NAALADL2: variants seen among roughly 807,000 people sequenced by gnomAD.
The protein encoded by NAALADL2 is inactive N-acetylated-alpha-linked acidic dipeptidase-like protein 2.
Under a neutral mutation model 87.2 loss-of-function variants are expected in NAALADL2, and 76 were observed. That is an observed-to-expected ratio of 0.87 (90% CI 0.72 to 1.05). NAALADL2 has a LOEUF of 1.05. Among genes scored for constraint, NAALADL2 ranks in the 50% least tolerant of loss-of-function variants. The pLI is 0.00. For synonymous variants in NAALADL2, 354 were observed against 331.0 expected, an observed-to-expected ratio of 1.07 and a Z score of -0.75; for missense variants, 1,089 against 945.8, an observed-to-expected ratio of 1.15 and a Z score of -1.99.
At chr3:175,307,677 T>C (rs999413805) in intron 4 of NAALADL2, among the ~76,000 whole-genome samples, 1 of 152,170 alleles carries the variant, frequency 6.6e-6, no homozygotes, top group African/African-American at 2.4e-5. Flanking sequence ...TTCCAGGGAA[T>C]TGCAGTTCAA....
chr3:175,329,729 A>G (rs971349082), intron 5 of NAALADL2, among the ~76,000 whole-genome samples: 1 of 152,160 alleles, frequency 6.6e-6, no homozygotes, highest in Admixed American at 6.5e-5. Flanking sequence ...ATATTATTCA[A>G]CTTGATTCTT....
chr3:175,028,319 T>C (rs1376424041), intron 1 of NAALADL2, among the ~76,000 whole-genome samples: 1 of 152,106 alleles, frequency 6.6e-6, no homozygotes, highest in East Asian at 1.9e-4. Flanking sequence ...CAATTTCTCA[T>C]TTTGTTATAT....
intron 1 of NAALADL2, among the ~76,000 whole-genome samples, chr3:175,006,844 C>A (rs773485591): frequency 1.4e-4 from 21 of 150,728 alleles, no homozygotes; most frequent in Non-Finnish European, 1.9e-4. Context: ...TTTTGTTGAG[C>A]CTTTTCTTTT....
At position 174,555,974 on chromosome 3, in the gene NAALADL2, C is replaced by CGTGTGT. The variant is rs66968495; in HGVS notation, c.-115+5367_-115+5372dup. Among the ~76,000 whole-genome samples, 236 of 142,620 alleles carry CGTGTGT rather than the reference C, an allele frequency of 1.7e-3. 1 individual carries two copies. Among genetic ancestry groups the CGTGTGT allele is most frequent in the African/African-American group, 4.5e-3 (168 of 37,340 alleles). The allele number at this position is 142,620 out of a possible 152,430, so 93.6% of individuals were successfully genotyped here. On this transcript the variant is annotated intron_variant, in intron 2 of 3. Coordinates refer to the NAALADL2 transcript ENST00000434257. Reference sequence around the variant, plus strand: ...ATGCTTAGAGAGAAGCCTTATCCTCCGTGTGTGTGTGTGTGTGTGTGTGTG... The same window carrying CGTGTGT: ...ATGCTTAGAGAGAAGCCTTATCCTCCGTGTGTGTGTGTGTGTGTGTGTGTGTGTGTG...
At chr3:175,712,739 T>A (rs1740701667) in intron 11 of NAALADL2, among the ~76,000 whole-genome samples, 1 of 152,106 alleles carries the variant, frequency 6.6e-6, no homozygotes, top group Non-Finnish European at 1.5e-5. Flanking sequence ...GATTTTGGAC[T>A]TCTCAGTCTC....
At chr3:175,312,976 A>C (rs1400576916) in intron 4 of NAALADL2, among the ~76,000 whole-genome samples, 1 of 152,140 alleles carries the variant, frequency 6.6e-6, no homozygotes, top group Non-Finnish European at 1.5e-5. Context: ...AATACCATAG[A>C]CTGGGCGGCT....
At chr3:174,662,075 C>G (rs1440770049) in intron 2 of NAALADL2, among the ~76,000 whole-genome samples, 1 of 152,058 alleles carries the variant, frequency 6.6e-6, no homozygotes, top group Non-Finnish European at 1.5e-5. Context: ...TTCCTCATCT[C>G]TACTGTGGGA....
intron 3 of NAALADL2, among the ~76,000 whole-genome samples, chr3:174,747,189 G>T (rs570715607): frequency 2.0e-5 from 3 of 152,028 alleles, no homozygotes; most frequent in East Asian, 1.9e-4. Context: ...TCTAACAAAG[G>T]CCTAATATCC....
chr3:175,440,726 A>T (rs1005163415), intron 5 of NAALADL2, among the ~76,000 whole-genome samples: 2 of 152,078 alleles, frequency 1.3e-5, no homozygotes, highest in East Asian at 3.9e-4. Context: ...ATTTGTGTAC[A>T]TTTATTTTTT....
intron 1 of NAALADL2, among the ~76,000 whole-genome samples, chr3:175,023,040 A>G (rs895381952): frequency 5.9e-5 from 9 of 152,074 alleles, no homozygotes; most frequent in African/African-American, 2.2e-4. Context: ...TTGGTCGATT[A>G]GAAGATAGTT....
chr3:174,526,674 T>G (rs950746753), intron 1 of NAALADL2, among the ~76,000 whole-genome samples: 3 of 140,068 alleles, frequency 2.1e-5, no homozygotes, highest in Non-Finnish European at 4.5e-5. Flanking sequence ...TTGTTTTTCT[T>G]TTTCTTTTTT....
intron 3 of NAALADL2, among the ~76,000 whole-genome samples, chr3:174,853,882 G>C (rs139104736): frequency 1.4e-4 from 22 of 152,224 alleles, no homozygotes; most frequent in African/African-American, 4.8e-4. Flanking sequence ...GACAATAATG[G>C]ATGCTGGTAT....
chr3:175,025,558 T>G (rs978676193), intron 1 of NAALADL2, among the ~76,000 whole-genome samples: 3 of 152,152 alleles, frequency 2.0e-5, no homozygotes, highest in Non-Finnish European at 2.9e-5. Context: ...GCTATTGTTA[T>G]CAAAGAAAGT....
At chr3:175,156,066 G>A (rs763988780) in intron 2 of NAALADL2, among the ~76,000 whole-genome samples, 24 of 152,172 alleles carry the variant, frequency 1.6e-4, no homozygotes, top group African/African-American at 3.9e-4. Context: ...TATTTCCAAA[G>A]TGGTAGGTAA....
At chr3:174,742,793 G>T (rs1733882835) in intron 3 of NAALADL2, among the ~76,000 whole-genome samples, 2 of 150,002 alleles carry the variant, frequency 1.3e-5, no homozygotes, top group African/African-American at 5.0e-5. Flanking sequence ...ATTTTGTAGG[G>T]TGTATTATTA....
chr3:175,782,678 T>A (rs1751312452), intron 13 of NAALADL2, among the ~76,000 whole-genome samples: 1 of 133,914 alleles, frequency 7.5e-6, no homozygotes, highest in Non-Finnish European at 1.5e-5. Flanking sequence ...TGATGGTAGT[T>A]TCTTTTGCTG....
intron 2 of NAALADL2, among the ~76,000 whole-genome samples, chr3:174,621,878 G>C (rs1391636009): frequency 6.6e-6 from 1 of 151,710 alleles, no homozygotes; most frequent in Non-Finnish European, 1.5e-5. Flanking sequence ...TAAGGAACAT[G>C]TGAAAAAGTT....
chr3:175,716,415 A>T (rs1741302713), intron 11 of NAALADL2, among the ~76,000 whole-genome samples: 1 of 150,942 alleles, frequency 6.6e-6, no homozygotes, highest in Non-Finnish European at 1.5e-5. Flanking sequence ...TGAAACTAAA[A>T]AGCCGACTGC....
intron 9 of NAALADL2, among the ~76,000 whole-genome samples, chr3:175,536,229 T>C (rs1734798062): frequency 6.6e-6 from 1 of 152,244 alleles, no homozygotes. Flanking sequence ...CAATAAATAC[T>C]ACTTTCTGTC....
Sources: allele counts gnomAD v4.1 joint callset (sites outside exome capture counted in the v4.1 genomes callset), GRCh38; gene constraint gnomAD v4.1.1; transcripts MANE v1.5; gene names NCBI Gene and HGNC (gene_info 2026-07-23, HGNC 2026-07-21).